The following JPH1 variants were observed in gnomAD, a reference collection of about 807,000 sequenced individuals.
JPH1 encodes junctophilin-1.
A neutral mutation model predicts 53.6 loss-of-function variants in JPH1; 12 were observed. That is an observed-to-expected ratio of 0.22 (90% CI 0.14 to 0.36). The LOEUF is 0.36. JPH1 is among the 10% of genes least tolerant of loss of function. JPH1 has a pLI of 1.00. For missense variants in JPH1, 808 were observed against 905.5 expected (o/e 0.89, Z 1.38); for synonymous variants, 375 against 363.8 (o/e 1.03, Z -0.35).
chr8:74,294,147 A>G (rs1259633996), intron 2 of JPH1, among the ~76,000 whole-genome samples: 2 of 152,216 alleles, frequency 1.3e-5, no homozygotes, highest in Non-Finnish European at 2.9e-5. Context: ...GAATGGCCAC[A>G]AGGGCAATTA....
At chr8:74,251,409 C>T in intron 3 of JPH1, among the ~76,000 whole-genome samples, 1 of 152,194 alleles carries the variant, frequency 6.6e-6, no homozygotes, top group Non-Finnish European at 1.5e-5. Flanking sequence ...TCAAGCTGAA[C>T]TCTCAGAGGG....
At chr8:74,289,767 T>G (rs1386853433) in intron 2 of JPH1, among the ~76,000 whole-genome samples, 1 of 152,004 alleles carries the variant, frequency 6.6e-6, no homozygotes, top group African/African-American at 2.4e-5. Context: ...TTATTGAGAG[T>G]TTTTAGCATG....
At chr8:74,318,049 TC>T (rs1208098186) in intron 1 of JPH1, among the ~76,000 whole-genome samples, 1 of 152,182 alleles carries the variant, frequency 6.6e-6, no homozygotes, top group Non-Finnish European at 1.5e-5. Context: ...CAATTTGCAG[TC>T]AAACTGTTAG....
rs547680217 is a variant in JPH1, at chr8:74,321,453, C to T, written c.-166G>A. On this transcript the variant is annotated 5_prime_UTR_variant, in exon 1 of 6. Coordinates refer to ENST00000342232, the MANE Select transcript of JPH1 (RefSeq NM_020647.4). This position sits in a 1 kb window ranked among gnomAD's most constrained non-coding sequence, Gnocchi z 4.3. ...CAGTCCGACGCCGCCCCCGTCCTCCCTCCTCTTTTGCCGCCGCCACCGCCG... is the reference window on the plus strand; with the variant it reads ...CAGTCCGACGCCGCCCCCGTCCTCCTTCCTCTTTTGCCGCCGCCACCGCCG... The T allele has an allele frequency of 2.8e-3, 1,732 of 614,608 alleles. 5 individuals are homozygous for T. The highest frequency in any genetic ancestry group is 4.7e-3 in the African/African-American group (243 of 51,404). 38.1% of individuals were successfully genotyped at this position (614,608 alleles called of 1,614,324 possible).
chr8:74,251,541 G>A (rs148831922), intron 3 of JPH1, among the ~76,000 whole-genome samples: 14 of 152,072 alleles, frequency 9.2e-5, no homozygotes, highest in African/African-American at 3.4e-4. Flanking sequence ...GTATGCTTTC[G>A]GTTTATTAGA....
chr8:74,320,690 G>C lies in JPH1; in HGVS notation c.379+219C>G, dbSNP rs1444916470. Among the ~76,000 whole-genome samples the C allele has an allele frequency of 1.3e-5, 2 of 152,168 alleles. No individual in the cohort carries two copies. The highest frequency in any genetic ancestry group is 2.9e-5 in the Non-Finnish European group (2 of 68,016). The stretch of plus-strand genomic sequence containing the variant: ...TCCCCTGAGTGTGGATACACGGCCC[G>C]CTCCAAGAACGGGGTCAGATCCAGC... On this transcript the variant is annotated intron_variant, in intron 1 of 5. Transcript: ENST00000342232. The surrounding 1 kb of genome is among the most constrained non-coding windows in gnomAD (Gnocchi z 4.4).
intron 2 of JPH1, among the ~76,000 whole-genome samples, chr8:74,292,957 C>T (rs1420000311): frequency 5.3e-5 from 8 of 152,170 alleles, no homozygotes; most frequent in African/African-American, 1.9e-4. Flanking sequence ...AGGAAGCCTC[C>T]ATCAAAGAAA....
At chr8:74,249,165 G>T (rs1302000203) in intron 3 of JPH1, among the ~76,000 whole-genome samples, 1 of 152,208 alleles carries the variant, frequency 6.6e-6, no homozygotes, top group East Asian at 1.9e-4. Flanking sequence ...TATCCAGCTA[G>T]TTCTTCAGAG....
intron 2 of JPH1, among the ~76,000 whole-genome samples, chr8:74,291,189 T>C (rs1221501360): frequency 1.3e-5 from 2 of 152,170 alleles, no homozygotes; most frequent in Admixed American, 6.5e-5. Flanking sequence ...TCAGAGTGAC[T>C]AGGCAACCTA....
intron 2 of JPH1, among the ~76,000 whole-genome samples, chr8:74,293,265 G>T (rs1807392529): frequency 6.6e-6 from 1 of 152,064 alleles, no homozygotes; most frequent in Non-Finnish European, 1.5e-5. Flanking sequence ...TATATCCTTG[G>T]ATAGGCCCAG....
intron 2 of JPH1, among the ~76,000 whole-genome samples, chr8:74,304,078 A>G (rs1039514483): frequency 1.3e-5 from 2 of 152,224 alleles, no homozygotes; most frequent in Non-Finnish European, 2.9e-5. Flanking sequence ...CTCTGGATGC[A>G]GCCTGCAGAC....
chr8:74,308,907 T>A (rs1159543970), intron 2 of JPH1, among the ~76,000 whole-genome samples: 1 of 152,158 alleles, frequency 6.6e-6, no homozygotes, highest in Non-Finnish European at 1.5e-5. Context: ...GGAGGGGAGA[T>A]CTGCATGAAA....
At chr8:74,313,158 A>G (rs1808045146) in intron 2 of JPH1, among the ~76,000 whole-genome samples, 1 of 152,242 alleles carries the variant, frequency 6.6e-6, no homozygotes, top group African/African-American at 2.4e-5. Context: ...TGACTTTAGC[A>G]TGTCACTAAG....
At chr8:74,248,131 T>C (rs1381228769) in intron 3 of JPH1, among the ~76,000 whole-genome samples, 1 of 152,230 alleles carries the variant, frequency 6.6e-6, no homozygotes, top group East Asian at 1.9e-4. Flanking sequence ...TTGTCCTAAA[T>C]GCAGTAAGAA....
chr8:74,288,008 G>T (rs1201359126), intron 2 of JPH1, among the ~76,000 whole-genome samples: 1 of 151,492 alleles, frequency 6.6e-6, no homozygotes, highest in Non-Finnish European at 1.5e-5. Context: ...TAAGTCACCA[G>T]TCTCGCTTTA....
At chr8:74,291,898 C>T (rs1337556373) in intron 2 of JPH1, among the ~76,000 whole-genome samples, 1 of 152,114 alleles carries the variant, frequency 6.6e-6, no homozygotes, top group Non-Finnish European at 1.5e-5. Context: ...AAGCTGGAAA[C>T]CATCATTCTC....
chr8:74,281,434 A>C (rs1013661899), intron 2 of JPH1, among the ~76,000 whole-genome samples: 1 of 152,220 alleles, frequency 6.6e-6, no homozygotes, highest in African/African-American at 2.4e-5. Context: ...GAAAATACTA[A>C]GTGGACAGAT....
intron 4 of JPH1, among the ~76,000 whole-genome samples, chr8:74,243,052 G>C (rs554826498): frequency 6.6e-6 from 1 of 152,148 alleles, no homozygotes; most frequent in Non-Finnish European, 1.5e-5. Context: ...GTCAACTAAA[G>C]CCCACAAATG....
chr8:74,245,680 A>T (rs549991944), intron 3 of JPH1, among the ~76,000 whole-genome samples: 2 of 152,198 alleles, frequency 1.3e-5, no homozygotes, highest in Non-Finnish European at 2.9e-5. Context: ...CACGACACAA[A>T]GTCACTTCCA....
Sources: allele counts gnomAD v4.1 joint callset (sites outside exome capture counted in the v4.1 genomes callset), GRCh38; gene constraint gnomAD v4.1.1; non-coding constraint Gnocchi (gnomAD v3.1); transcripts MANE v1.5; gene names NCBI Gene and HGNC (gene_info 2026-07-23, HGNC 2026-07-21).